GHR: variants seen among roughly 807,000 people sequenced by gnomAD.
The protein encoded by GHR is GH receptor.
In GHR, 35 loss-of-function variants were observed where a neutral mutation model predicts 67.1. The observed-to-expected ratio is 0.52, with a 90% CI of 0.40 to 0.69. GHR has a LOEUF of 0.69. GHR is among the 30% of genes least tolerant of loss of function. The probability of loss-of-function intolerance (pLI) is 0.00; values close to 1 mark genes in which losing one functional copy is unlikely to be tolerated. For synonymous variants in GHR, 272 were observed against 269.1 expected (o/e 1.01, Z -0.10); for missense variants, 792 against 764.6 (o/e 1.04, Z -0.42).
At chr5:42,613,385 C>T (rs1752982107) in intron 2 of GHR, among the ~76,000 whole-genome samples, 1 of 152,136 alleles carries the variant, frequency 6.6e-6, no homozygotes, top group South Asian at 2.1e-4. Context: ...TTGTCTTATA[C>T]TCTACTTCTC....
At chr5:42,492,654 A>T (rs74710603) in intron 1 of GHR, among the ~76,000 whole-genome samples, 2,897 of 152,352 alleles carry the variant, frequency 0.019, 161 homozygotes, top group East Asian at 0.13. Flanking sequence ...AAGGTTGATT[A>T]TAAATCAGAT....
chr5:42,683,315 T>C (rs563864253), intron 3 of GHR, among the ~76,000 whole-genome samples: 4 of 152,276 alleles, frequency 2.6e-5, no homozygotes, highest in Middle Eastern at 3.4e-3. Flanking sequence ...CTCAAGGGTT[T>C]TTATACTGAG....
At chr5:42,434,139 A>T (rs906945231) in intron 1 of GHR, among the ~76,000 whole-genome samples, 13 of 152,160 alleles carry the variant, frequency 8.5e-5, no homozygotes, top group Non-Finnish European at 1.5e-5. Flanking sequence ...ATGATCTTGA[A>T]TGGGCTTTAC....
At chr5:42,453,479 G>A (rs574516878) in intron 1 of GHR, among the ~76,000 whole-genome samples, 1 of 152,290 alleles carries the variant, frequency 6.6e-6, no homozygotes, top group African/African-American at 2.4e-5. Flanking sequence ...TCTCAATTAG[G>A]TGTGCTGAAA....
At chr5:42,624,693 T>C (rs7715032) in intron 2 of GHR, among the ~76,000 whole-genome samples, 52,815 of 152,100 alleles carry the variant, frequency 0.35, 10,574 homozygotes, top group African/African-American at 0.57. Context: ...CTTTGAACTA[T>C]CAAAACTTTC....
intron 7 of GHR, among the ~76,000 whole-genome samples, chr5:42,712,813 G>A (rs2111828085): frequency 6.6e-6 from 1 of 151,678 alleles, no homozygotes; most frequent in South Asian, 2.1e-4. Flanking sequence ...AGCCTCAGTA[G>A]TGATCTTTCT....
chr5:42,465,777 C>T (rs1258917216), intron 1 of GHR: 2 of 837,102 alleles, frequency 2.4e-6, no homozygotes, highest in Non-Finnish European at 4.2e-6. Context: ...TCTCCTTGGC[C>T]CATTTCACGT....
At position 42,481,119 on chromosome 5, in the gene GHR, A is replaced by G. The variant is rs568576689; in HGVS notation, c.-12+57164A>G. Among the ~76,000 whole-genome samples, 387 of 151,988 alleles carry G rather than the reference A, an allele frequency of 2.5e-3. 2 individuals carry two copies. The highest frequency in any genetic ancestry group is 8.9e-3 in the African/African-American group (368 of 41,432). ...ATCTCTCAGCATTTGCTTGTCTGTA[A>G]AGTATTTTATTTCTCCTTCACTTAT... On this transcript the variant is annotated intron_variant, in intron 1 of 9. Transcript: ENST00000230882.
At chr5:42,697,996 G>A (rs781750749) in intron 5 of GHR, among the ~76,000 whole-genome samples, 5 of 152,144 alleles carry the variant, frequency 3.3e-5, no homozygotes, top group Admixed American at 6.5e-5. Context: ...GTGGATTAGT[G>A]AGGAAAAGAT....
At chr5:42,622,427 A>G (rs1406102264) in intron 2 of GHR, among the ~76,000 whole-genome samples, 3 of 152,290 alleles carry the variant, frequency 2.0e-5, no homozygotes, top group South Asian at 4.1e-4. Context: ...AAAGTTTCCT[A>G]AATATATTTT....
chr5:42,514,796 G>A (rs1009392318), intron 1 of GHR: 5 of 152,190 alleles, frequency 3.3e-5, no homozygotes, highest in South Asian at 2.1e-4. Context: ...ATGTATGCAC[G>A]TTTTCCTGTG....
At chr5:42,674,718 A>T (rs1561217786) in intron 3 of GHR, among the ~76,000 whole-genome samples, 2 of 152,152 alleles carry the variant, frequency 1.3e-5, no homozygotes. Context: ...TTATTATAGG[A>T]TTATACCACA....
intron 1 of GHR, among the ~76,000 whole-genome samples, chr5:42,426,846 G>A (rs998257772): frequency 1.3e-5 from 2 of 152,124 alleles, no homozygotes; most frequent in Non-Finnish European, 2.9e-5. Context: ...TTACTTTAGA[G>A]GTAATTATCT....
In GHR at chr5:42,424,224, A is replaced by C. The variant is rs1160600475; in HGVS notation, c.-12+269A>C. 3.3e-5 allele frequency among the ~76,000 whole-genome samples: 2 copies of C among 59,826 alleles called. No homozygotes were observed. The highest frequency in any genetic ancestry group is 7.2e-5 in the Non-Finnish European group (2 of 27,750). The allele number at this position is 59,826 out of a possible 152,430, so 39.2% of individuals were successfully genotyped here. Reference sequence around the variant, plus strand: ...TGTGTGTGTGTGTGTGTGTGTCTGGAAGTTGGTGAGGGCGGCAGGGAGTTG... The same window carrying C: ...TGTGTGTGTGTGTGTGTGTGTCTGGCAGTTGGTGAGGGCGGCAGGGAGTTG... On this transcript the variant is annotated intron_variant, in intron 1 of 9. Transcript: ENST00000230882. This position sits in a 1 kb window ranked among gnomAD's most constrained non-coding sequence, Gnocchi z 4.1.
At chr5:42,483,021 C>G (rs1745721996) in intron 1 of GHR, among the ~76,000 whole-genome samples, 1 of 152,166 alleles carries the variant, frequency 6.6e-6, no homozygotes. Flanking sequence ...GCCATCTTGG[C>G]TCCTCCCCCA....
intron 1 of GHR, among the ~76,000 whole-genome samples, chr5:42,545,928 G>A (rs1215545351): frequency 3.3e-5 from 5 of 152,174 alleles, no homozygotes; most frequent in Non-Finnish European, 7.3e-5. Context: ...TGACAAAGAT[G>A]TGCATTTATG....
At chr5:42,661,372 G>C (rs976485330) in intron 3 of GHR, among the ~76,000 whole-genome samples, 1 of 152,176 alleles carries the variant, frequency 6.6e-6, no homozygotes, top group Non-Finnish European at 1.5e-5. Context: ...GGGTTACCCA[G>C]AAAGGGAAGC....
At chr5:42,490,266 G>A (rs1746058507) in intron 1 of GHR, among the ~76,000 whole-genome samples, 1 of 152,190 alleles carries the variant, frequency 6.6e-6, no homozygotes, top group Non-Finnish European at 1.5e-5. Flanking sequence ...TTAGTAATGG[G>A]ATCACTAAAT....
At chr5:42,603,993 G>T (rs1041247431) in intron 2 of GHR, among the ~76,000 whole-genome samples, 20 of 152,194 alleles carry the variant, frequency 1.3e-4, no homozygotes, top group African/African-American at 4.8e-4. Context: ...TGCAAGAGTG[G>T]CTCATGGAAC....
Sources: allele counts gnomAD v4.1 joint callset (sites outside exome capture counted in the v4.1 genomes callset), GRCh38; gene constraint gnomAD v4.1.1; non-coding constraint Gnocchi (gnomAD v3.1); transcripts MANE v1.5; gene names NCBI Gene and HGNC (gene_info 2026-07-23, HGNC 2026-07-21).